The following CAMK1D variants were observed in gnomAD, a reference collection of about 807,000 sequenced individuals.
The protein encoded by CAMK1D is calcium/calmodulin-dependent protein kinase type 1D.
CAMK1D carries 9 observed loss-of-function variants against 47.7 expected under a neutral mutation model. That is an observed-to-expected ratio of 0.19 (90% confidence interval 0.11 to 0.33). The LOEUF is 0.33. Ranked by LOEUF, CAMK1D falls within the 10% of genes least tolerant of loss-of-function variation. The pLI is 1.00. For missense variants in CAMK1D, 291 were observed against 488.7 expected (o/e 0.60, Z 3.81); for synonymous variants, 184 against 184.9 (o/e 0.99, Z 0.04).
intron 2 of CAMK1D, among the ~76,000 whole-genome samples, chr10:12,619,323 C>T (rs1007319584): frequency 1.3e-4 from 19 of 151,620 alleles, no homozygotes; most frequent in African/African-American, 4.1e-4. Context: ...CGGGGTCTTG[C>T]TCTGTTGCCC....
At chr10:12,443,612 G>A (rs1832846624) in intron 1 of CAMK1D, among the ~76,000 whole-genome samples, 1 of 152,064 alleles carries the variant, frequency 6.6e-6, no homozygotes, top group Non-Finnish European at 1.5e-5. Context: ...GAGGACTGCT[G>A]GTTTCCTATT....
intron 2 of CAMK1D, among the ~76,000 whole-genome samples, chr10:12,648,973 T>G (rs1839885578): frequency 1.3e-5 from 2 of 152,168 alleles, no homozygotes; most frequent in Non-Finnish European, 2.9e-5. Context: ...GCTCAAGTCA[T>G]CCACCGCCTC....
rs76178879 is a variant in CAMK1D, at chr10:12,399,725, G to A, written c.92+49815G>A. The stretch of plus-strand genomic sequence containing the variant: ...TTCACCTATTCACTAAAATGTATTT[G>A]CATTTTTGTTGGTGATTTTGCTGCT... On this transcript the variant is annotated intron_variant, in intron 1 of 10. Coordinates refer to ENST00000619168, the MANE Select transcript of CAMK1D (RefSeq NM_153498.4). Among the ~76,000 whole-genome samples, 1,439 of 152,242 alleles carry A rather than the reference G, an allele frequency of 9.5e-3. 25 individuals carry two copies. Among genetic ancestry groups the A allele is most frequent in the African/African-American group, 0.032 (1,348 of 41,540 alleles).
At chr10:12,591,936 A>AC (rs1327733547) in intron 2 of CAMK1D, among the ~76,000 whole-genome samples, 1 of 151,202 alleles carries the variant, frequency 6.6e-6, no homozygotes, top group African/African-American at 2.4e-5. Flanking sequence ...CTTGTGATCC[A>AC]CCCCCTCGGC....
chr10:12,759,715 C>G (rs1836410850), intron 3 of CAMK1D, among the ~76,000 whole-genome samples: 1 of 152,136 alleles, frequency 6.6e-6, no homozygotes, highest in Admixed American at 6.6e-5. Flanking sequence ...CACAATATTG[C>G]CTGCTATGAC....
chr10:12,687,630 G>A (rs1832714627), intron 3 of CAMK1D, among the ~76,000 whole-genome samples: 1 of 152,194 alleles, frequency 6.6e-6, no homozygotes, highest in African/African-American at 2.4e-5. Context: ...GCTCAGAAGT[G>A]TCCAAGACAA....
intron 2 of CAMK1D, among the ~76,000 whole-genome samples, chr10:12,564,313 A>G (rs900254031): frequency 1.3e-5 from 2 of 148,606 alleles, no homozygotes; most frequent in African/African-American, 2.5e-5. Context: ...CAAAGATTCA[A>G]TTTTTTTTTT....
chr10:12,683,551 C>A (rs1832533044), intron 3 of CAMK1D, among the ~76,000 whole-genome samples: 2 of 152,138 alleles, frequency 1.3e-5, no homozygotes, highest in Non-Finnish European at 2.9e-5. Flanking sequence ...TGTCTTTTTT[C>A]ACTGTGCTCC....
chr10:12,774,408 G>T (rs753914570), intron 5 of CAMK1D, among the ~76,000 whole-genome samples: 11 of 152,102 alleles, frequency 7.2e-5, no homozygotes, highest in Non-Finnish European at 1.6e-4. Context: ...CCTGAAGGCA[G>T]GAGAATGTGG....
At position 12,363,783 on chromosome 10, in the gene CAMK1D, C is replaced by G. The variant is rs981599787; in HGVS notation, c.92+13873C>G. On this transcript the variant is annotated intron_variant, in intron 1 of 10. Coordinates refer to ENST00000619168, the MANE Select transcript of CAMK1D (RefSeq NM_153498.4). ...TCCCAGGTTCAAGTGATTCCCCTGC[C>G]TCAGCCTCCCCAGTAGCTGGGATCA... is the stretch of plus-strand genomic sequence containing the variant. 3.9e-5 allele frequency among the ~76,000 whole-genome samples: 6 copies of G among 151,924 alleles called. No homozygotes were observed. In the East Asian group the frequency reaches 1.2e-3, roughly 30 times the overall value.
At chr10:12,531,923 A>G (rs977296971) in intron 1 of CAMK1D, among the ~76,000 whole-genome samples, 1 of 152,220 alleles carries the variant, frequency 6.6e-6, no homozygotes, top group African/African-American at 2.4e-5. Flanking sequence ...TTCTGTCTCT[A>G]ATTACAAAGA....
chr10:12,522,912 C>A, intron 1 of CAMK1D, among the ~76,000 whole-genome samples: 1 of 78,424 alleles, frequency 1.3e-5, no homozygotes, highest in Admixed American at 1.2e-4. Context: ...GCTGGCCGGG[C>A]GGGGGCTGAC....
At chr10:12,387,409 A>ATATATATTTTATATATTATATATATTT in intron 1 of CAMK1D, among the ~76,000 whole-genome samples, 1 of 38,002 alleles carries the variant, frequency 2.6e-5, no homozygotes, top group Non-Finnish European at 8.0e-5. Flanking sequence ...TTTATATATT[A>ATATATATTTTATATATTATATATATTT]TATATATTTT....
intron 1 of CAMK1D, among the ~76,000 whole-genome samples, chr10:12,541,885 T>TCCTTC (rs141080777): frequency 3.1e-4 from 44 of 142,816 alleles, no homozygotes; most frequent in Admixed American, 6.2e-4. Context: ...CTTCCTTCCT[T>TCCTTC]CCTTTTTTTT....
intron 1 of CAMK1D, among the ~76,000 whole-genome samples, chr10:12,427,075 C>G (rs1840259706): frequency 6.6e-6 from 1 of 152,182 alleles, no homozygotes; most frequent in Admixed American, 6.5e-5. Context: ...GTCTCGAACT[C>G]CTGGGCTCAA....
intron 6 of CAMK1D, 35 bp downstream of exon 6, chr10:12,791,268 A>G (rs771018678): frequency 1.9e-6 from 3 of 1,590,428 alleles, no homozygotes; most frequent in South Asian, 1.1e-5. Context: ...TTCTTCCTCT[A>G]CCGGCCTTTT....
intron 2 of CAMK1D, among the ~76,000 whole-genome samples, chr10:12,589,631 C>G (rs984138631): frequency 1.3e-5 from 2 of 152,176 alleles, no homozygotes; most frequent in Non-Finnish European, 2.9e-5. Context: ...GTGAAAATGT[C>G]TCGTCTTCAG....
intron 5 of CAMK1D, among the ~76,000 whole-genome samples, chr10:12,781,429 C>T (rs771075997): frequency 1.3e-5 from 2 of 152,178 alleles, no homozygotes; most frequent in Non-Finnish European, 2.9e-5. Flanking sequence ...GTTCCAAGGC[C>T]CTCCCACATT....
intron 2 of CAMK1D, among the ~76,000 whole-genome samples, chr10:12,608,178 G>A (rs1260960659): frequency 6.6e-6 from 1 of 152,176 alleles, no homozygotes; most frequent in African/African-American, 2.4e-5. Context: ...CAGCACTTTG[G>A]GAGGCCAAGG....
Sources: gnomAD v4.1 joint callset for allele counts (sites outside exome capture counted in the v4.1 genomes callset) on GRCh38, gnomAD v4.1.1 for gene constraint, MANE v1.5 for transcripts, NCBI Gene and HGNC (gene_info 2026-07-23, HGNC 2026-07-21) for gene names.